Variants in FGF12 observed in about 807,000 individuals in gnomAD.
The protein encoded by FGF12 is fibroblast growth factor 12.
FGF12 carries 14 observed loss-of-function variants against 23.6 expected under a neutral mutation model. The observed-to-expected ratio is 0.59, with a 90% CI of 0.39 to 0.93. The LOEUF (loss-of-function observed/expected upper bound fraction) is 0.93, where lower values mean the gene tolerates loss of function less well. Among genes scored for constraint, FGF12 ranks in the 40% least tolerant of loss-of-function variants. The pLI is 0.00. For synonymous variants in FGF12, 62 were observed against 77.3 expected (o/e 0.80, Z 1.04); for missense variants, 175 against 217.8 (o/e 0.80, Z 1.24).
chr3:192,382,523 A>T (rs1286104403), intron 2 of FGF12, among the ~76,000 whole-genome samples: 2 of 151,936 alleles, frequency 1.3e-5, no homozygotes, highest in Admixed American at 1.3e-4. Flanking sequence ...CTTCTCTATT[A>T]CCTATAGCAA....
chr3:192,308,036 A>G (rs1332397726), intron 4 of FGF12, among the ~76,000 whole-genome samples: 1 of 152,222 alleles, frequency 6.6e-6, no homozygotes, highest in Non-Finnish European at 1.5e-5. Flanking sequence ...ATCTTAAGAA[A>G]TGAATTTTTA....
At chr3:192,544,603 A>T (rs1725450704) in intron 2 of FGF12, among the ~76,000 whole-genome samples, 4 of 152,208 alleles carry the variant, frequency 2.6e-5, no homozygotes, top group Admixed American at 2.0e-4. Flanking sequence ...CAAAAGAGCT[A>T]TTTAACACAT....
intron 2 of FGF12, among the ~76,000 whole-genome samples, chr3:192,660,056 C>T (rs1716593602): frequency 6.6e-6 from 1 of 151,910 alleles, no homozygotes; most frequent in Non-Finnish European, 1.5e-5. Context: ...AAGACACACA[C>T]ACACGTATGT....
chr3:192,609,271 C>A (rs1714459773), intron 2 of FGF12, among the ~76,000 whole-genome samples: 1 of 152,024 alleles, frequency 6.6e-6, no homozygotes, highest in African/African-American at 2.4e-5. Context: ...AGATGCCATA[C>A]AACACAGATT....
At chr3:192,316,848 T>C (rs2108678165) in intron 4 of FGF12, among the ~76,000 whole-genome samples, 1 of 152,226 alleles carries the variant, frequency 6.6e-6, no homozygotes, top group East Asian at 1.9e-4. Flanking sequence ...TTCCTTCTGC[T>C]TAAGGAAAGA....
At chr3:192,542,294 C>CTTCAGTAT (rs1381371410) in intron 2 of FGF12, among the ~76,000 whole-genome samples, 1 of 152,162 alleles carries the variant, frequency 6.6e-6, no homozygotes, top group East Asian at 1.9e-4. Flanking sequence ...CTGATGCATT[C>CTTCAGTAT]TTCAGTATTT....
chr3:192,375,429 C>T (rs9810224), intron 2 of FGF12, among the ~76,000 whole-genome samples: 13,233 of 152,136 alleles, frequency 0.087, 931 homozygotes, highest in African/African-American at 0.19. Context: ...GTAATCCTTA[C>T]ATATCTAACA....
intron 3 of FGF12, among the ~76,000 whole-genome samples, chr3:192,357,583 A>T (rs1718532104): frequency 6.6e-6 from 1 of 152,178 alleles, no homozygotes. Context: ...CAAAAAAAAA[A>T]ACAAACAACT....
At chr3:192,255,293 A>T (rs926826790) in intron 4 of FGF12, among the ~76,000 whole-genome samples, 2 of 152,204 alleles carry the variant, frequency 1.3e-5, no homozygotes, top group African/African-American at 4.8e-5. Flanking sequence ...TATTATAAAC[A>T]TTGTCAACTT....
chr3:192,559,305 AG>A (rs1338900070), intron 2 of FGF12, among the ~76,000 whole-genome samples: 2 of 152,024 alleles, frequency 1.3e-5, no homozygotes, highest in African/African-American at 4.8e-5. Context: ...AAAGGACTTG[AG>A]TAGACATTTC....
chr3:192,268,618 C>A, intron 4 of FGF12: 1 of 411,636 alleles, frequency 2.4e-6, no homozygotes, highest in Non-Finnish European at 4.9e-6. Context: ...GGCTTCTCCC[C>A]TGCATTGCTC....
chr3:192,588,223 T>A (rs551104806), intron 2 of FGF12, among the ~76,000 whole-genome samples: 7 of 149,558 alleles, frequency 4.7e-5, no homozygotes, highest in African/African-American at 1.7e-4. Context: ...GGTGGCGGGC[T>A]CCTGTAGTCC....
At chr3:192,394,462 T>C (rs1489661528) in intron 2 of FGF12, among the ~76,000 whole-genome samples, 1 of 152,230 alleles carries the variant, frequency 6.6e-6, no homozygotes, top group Non-Finnish European at 1.5e-5. Context: ...TAAGCCATTT[T>C]CTTATATCTG....
intron 2 of FGF12, among the ~76,000 whole-genome samples, chr3:192,632,610 T>A (rs970407783): frequency 1.3e-5 from 2 of 152,244 alleles, no homozygotes; most frequent in African/African-American, 4.8e-5. Context: ...AGTTTTAAAT[T>A]CGCAGATATT....
At chr3:192,180,635 C>T (rs1050466242) in intron 4 of FGF12, among the ~76,000 whole-genome samples, 14 of 152,116 alleles carry the variant, frequency 9.2e-5, no homozygotes, top group African/African-American at 2.4e-4. Context: ...CTAAAAGGTA[C>T]GAGAAATTAT....
intron 2 of FGF12, among the ~76,000 whole-genome samples, chr3:192,440,826 A>G (rs1279645616): frequency 6.6e-6 from 1 of 152,194 alleles, no homozygotes; most frequent in Non-Finnish European, 1.5e-5. Context: ...TGAGGCTGGT[A>G]ACTTTTCTCT....
intron 2 of FGF12, among the ~76,000 whole-genome samples, chr3:192,611,702 C>T (rs1348724596): frequency 1.3e-5 from 2 of 151,914 alleles, no homozygotes; most frequent in African/African-American, 4.8e-5. Context: ...AGGTTTTACT[C>T]CTGCTGTCAT....
intron 2 of FGF12, among the ~76,000 whole-genome samples, chr3:192,629,324 T>C (rs558883837): frequency 6.6e-6 from 1 of 152,366 alleles, no homozygotes; most frequent in South Asian, 2.1e-4. Context: ...CCTGCATTAC[T>C]GCAGAAATCA....
chr3:192,614,227 C>T (rs748093248), intron 2 of FGF12, among the ~76,000 whole-genome samples: 2 of 151,572 alleles, frequency 1.3e-5, no homozygotes, highest in Non-Finnish European at 2.9e-5. Context: ...TAAGGGTCAA[C>T]ATTTTCTATA....
Sources: allele counts gnomAD v4.1 joint callset (sites outside exome capture counted in the v4.1 genomes callset), GRCh38; gene constraint gnomAD v4.1.1; transcripts MANE v1.5; gene names NCBI Gene and HGNC (gene_info 2026-07-23, HGNC 2026-07-21).